The following VPS13B variants were observed in gnomAD, a reference collection of about 807,000 sequenced individuals.
The protein encoded by VPS13B is vacuolar protein sorting 13 homolog B.
A neutral mutation model predicts 426.4 loss-of-function variants in VPS13B; 285 were observed. That is an observed-to-expected ratio of 0.67 (90% confidence interval 0.61 to 0.74). The LOEUF (loss-of-function observed/expected upper bound fraction) is 0.74. Ranked by LOEUF, VPS13B falls within the 30% of genes least tolerant of loss-of-function variation. The pLI, the probability that VPS13B is intolerant of heterozygous loss-of-function variation, is 0.00. For missense variants in VPS13B, 4,537 were observed against 4,782.6 expected (o/e 0.95, Z 1.51); for synonymous variants, 1,676 against 1,676.4 (o/e 1.00, Z 0.01).
intron 17 of VPS13B, among the ~76,000 whole-genome samples, chr8:99,262,901 T>TA (rs1402814997): frequency 1.3e-5 from 2 of 152,000 alleles, no homozygotes; most frequent in Non-Finnish European, 2.9e-5. Context: ...GCCTCCCAAG[T>TA]AGCTGGGACC....
At chr8:99,209,277 A>G (rs1279681774) in intron 17 of VPS13B, among the ~76,000 whole-genome samples, 6 of 148,674 alleles carry the variant, frequency 4.0e-5, no homozygotes, top group African/African-American at 1.2e-4. Flanking sequence ...CTGAGGCTCC[A>G]TCTCAAAAAA....
chr8:99,512,338 C>T (rs1235194907), intron 29 of VPS13B, among the ~76,000 whole-genome samples: 1 of 152,134 alleles, frequency 6.6e-6, no homozygotes, highest in African/African-American at 2.4e-5. Flanking sequence ...AAGTGATAAA[C>T]AACTCGCTAA....
intron 3 of VPS13B, among the ~76,000 whole-genome samples, chr8:99,083,864 T>G (rs1845620826): frequency 7.2e-6 from 1 of 139,804 alleles, no homozygotes; most frequent in Non-Finnish European, 1.5e-5. Context: ...TTTGCCAGTA[T>G]TTTATTGAGG....
chr8:99,370,818 C>T (rs982271197), intron 19 of VPS13B, among the ~76,000 whole-genome samples: 4 of 151,998 alleles, frequency 2.6e-5, no homozygotes, highest in South Asian at 2.1e-4. Flanking sequence ...CCATTTTGGC[C>T]AGGCTGGTCT....
In VPS13B at chr8:99,412,830, A is replaced by T. The variant is rs530465535; in HGVS notation, c.3083-18707A>T. 2.6e-5 allele frequency among the ~76,000 whole-genome samples: 4 copies of T among 152,284 alleles called. No homozygotes were observed. In the East Asian group the frequency reaches 7.7e-4, roughly 29 times the overall value. On this transcript the variant is annotated intron_variant, in intron 21 of 61. Coordinates refer to ENST00000357162, the MANE Select transcript of VPS13B (RefSeq NM_152564.5). The stretch of plus-strand genomic sequence containing the variant: ...CTTTGCTGCACCTATTGAGATAATC[A>T]TGTGGTTTTGTCATTGGTTCTGTTT...
At chr8:99,055,044 G>GTC (rs1554587182) in intron 3 of VPS13B, among the ~76,000 whole-genome samples, 1 of 141,882 alleles carries the variant, frequency 7.0e-6, no homozygotes, top group African/African-American at 2.6e-5. Context: ...TTTTTTTTTT[G>GTC]TTTTTTTTTT....
At chr8:99,024,620 G>A (rs565442113) in intron 2 of VPS13B, among the ~76,000 whole-genome samples, 1 of 152,160 alleles carries the variant, frequency 6.6e-6, no homozygotes, top group Non-Finnish European at 1.5e-5. Context: ...TAAATATGTG[G>A]GTTTGTTTTT....
At chr8:99,700,383 A>G (rs755457139) in intron 36 of VPS13B, among the ~76,000 whole-genome samples, 1 of 152,264 alleles carries the variant, frequency 6.6e-6, no homozygotes, top group Admixed American at 6.5e-5. Context: ...GAGCCCAGCA[A>G]TCTGTGCTTC....
intron 25 of VPS13B, among the ~76,000 whole-genome samples, chr8:99,485,471 T>C (rs1820253571): frequency 1.3e-5 from 2 of 152,174 alleles, no homozygotes; most frequent in Admixed American, 6.5e-5. Flanking sequence ...TGCTGAGACA[T>C]GGATTACCTT....
At chr8:99,128,581 G>A (rs1809575974) in intron 8 of VPS13B, among the ~76,000 whole-genome samples, 1 of 151,410 alleles carries the variant, frequency 6.6e-6, no homozygotes, top group Non-Finnish European at 1.5e-5. Context: ...CATTTTTCAG[G>A]TTTTGTTTCC....
At chr8:99,743,379 T>C (rs1809871806) in intron 39 of VPS13B, among the ~76,000 whole-genome samples, 1 of 151,624 alleles carries the variant, frequency 6.6e-6, no homozygotes, top group African/African-American at 2.4e-5. Context: ...ATCAATATCG[T>C]GAAAATGGCC....
intron 55 of VPS13B, among the ~76,000 whole-genome samples, chr8:99,850,295 G>T (rs1490027836): frequency 1.0e-5 from 1 of 98,978 alleles, no homozygotes; most frequent in East Asian, 2.6e-4. Context: ...ACATACATAA[G>T]TACGCATGTA....
chr8:99,533,319 A>G (rs1823029074), intron 30 of VPS13B, among the ~76,000 whole-genome samples: 1 of 152,212 alleles, frequency 6.6e-6, no homozygotes, highest in South Asian at 2.1e-4. Context: ...GACCTTGAGG[A>G]ACTACCAAGT....
chr8:99,334,329 C>A (rs1810702441), intron 19 of VPS13B, among the ~76,000 whole-genome samples: 1 of 151,922 alleles, frequency 6.6e-6, no homozygotes, highest in Non-Finnish European at 1.5e-5. Context: ...TAATAATAAT[C>A]TTTTCATCCT....
intron 51 of VPS13B, among the ~76,000 whole-genome samples, chr8:99,827,031 CT>C (rs1274182231): frequency 6.6e-6 from 1 of 151,914 alleles, no homozygotes; most frequent in East Asian, 1.9e-4. Context: ...TTGAAATTTT[CT>C]TTTTTTGTTG....
chr8:99,849,031 T>A (rs755441104), intron 55 of VPS13B, 137 bp downstream of exon 55: 141 of 851,268 alleles, frequency 1.7e-4, no homozygotes, highest in Non-Finnish European at 2.6e-4. Context: ...ATAAAAAATA[T>A]GGTTATTAGC....
intron 35 of VPS13B, among the ~76,000 whole-genome samples, chr8:99,669,904 A>G (rs1009730952): frequency 2.0e-5 from 3 of 152,146 alleles, no homozygotes; most frequent in Non-Finnish European, 4.4e-5. Flanking sequence ...CTTTAAAATA[A>G]TTCCTAAACA....
intron 36 of VPS13B, among the ~76,000 whole-genome samples, chr8:99,703,508 A>G (rs1435685946): frequency 6.6e-6 from 1 of 152,150 alleles, no homozygotes; most frequent in Admixed American, 6.5e-5. Flanking sequence ...CTATGATTAT[A>G]TTAAAAGTAC....
intron 39 of VPS13B, among the ~76,000 whole-genome samples, chr8:99,724,865 C>T (rs1833273871): frequency 6.6e-6 from 1 of 152,160 alleles, no homozygotes; most frequent in Non-Finnish European, 1.5e-5. Context: ...TGTTACTCTG[C>T]CAGACTGACC....
Sources: allele counts gnomAD v4.1 joint callset (sites outside exome capture counted in the v4.1 genomes callset), GRCh38; gene constraint gnomAD v4.1.1; transcripts MANE v1.5; gene names NCBI Gene and HGNC (gene_info 2026-07-23, HGNC 2026-07-21).